The following IER2 variants were observed in gnomAD, a reference collection of about 807,000 sequenced individuals.
IER2 encodes immediate early response 2.
For missense variants in IER2, 372 were observed against 325.4 expected (o/e 1.14, Z -1.10); for synonymous variants, 198 against 149.6 (o/e 1.32, Z -2.36).
Position 13,150,413 on chromosome 19 carries a change from C to A in IER2, c.-383C>A, listed in dbSNP as rs765122484. ...CGGTGCACATGCCCCCGCCCCTTAG[C>A]CCTCTCGTGCCGCACCGTAGGGGGC... On this transcript the variant is annotated 5_prime_UTR_variant, in exon 1 of 2. Coordinates refer to ENST00000292433, the MANE Select transcript of IER2 (RefSeq NM_004907.3). This position sits in a 1 kb window ranked among gnomAD's most constrained non-coding sequence, Gnocchi z 4.0. 2.0e-6 allele frequency: 1 copy of A among 503,358 alleles called. No homozygotes were observed. Among genetic ancestry groups the A allele is most frequent in the Non-Finnish European group, 3.5e-6 (1 of 284,252 alleles). The allele number at this position is 503,358 out of a possible 1,614,324, so 31.2% of individuals were successfully genotyped here. A position where few individuals can be genotyped will look rare whatever the true frequency, so the allele number is the denominator to read the frequency against.
intron 1 of IER2, 148 bp from the exon 2 acceptor site, chr19:13,152,796 C>G (rs1224116016): frequency 6.3e-6 from 1 of 157,902 alleles, no homozygotes; most frequent in Non-Finnish European, 1.4e-5. Context: ...CCCGGCCCCC[C>G]TCCCTTGGGC....
chr19:13,153,244 CA>C lies in IER2; in HGVS notation c.59del (p.His20ProfsTer108), dbSNP rs1351674489. On this transcript the variant is annotated frameshift_variant, in exon 2 of 2. Transcript: ENST00000292433. LOFTEE classifies it low-confidence loss of function (END_TRUNC). ...IMTLSVWKMYHSRMQRGGLRL... is the reference protein window; with the variant it reads ...IMTLSVWKMYXSRMQRGGLRL... ...GACCCTGTCGGTGTGGAAGATGTAT[CA>C]CTCCCGCATGCAGCGCGGTGGCCTG... The C allele has an allele frequency of 6.4e-7, 1 of 1,563,728 alleles. No homozygotes were observed. Among genetic ancestry groups the C allele is most frequent in the Non-Finnish European group, 8.7e-7 (1 of 1,154,800 alleles).
At position 13,153,776 on chromosome 19, in the gene IER2, CGCCCGCGTGCGAGGCAAA is replaced by C. The variant is rs778807269; in HGVS notation, c.597_614del (p.Glu201_Cys206del). On this transcript the variant is annotated inframe_deletion, in exon 2 of 2. Transcript: ENST00000292433. ...AGCCCCGCGGCCCCTCCGACGGCGC[CGCCCGCGTGCGAGGCAAA>C]GCCCGCTTGCCGCCCGGCGGACAGC... The C allele has an allele frequency of 6.5e-7, 1 of 1,549,648 alleles. No homozygotes were observed. Among genetic ancestry groups the C allele is most frequent in the Non-Finnish European group, 8.7e-7 (1 of 1,154,200 alleles).
intron 1 of IER2, among the ~76,000 whole-genome samples, chr19:13,151,714 A>T (rs1033536738): frequency 1.1e-4 from 17 of 152,066 alleles, no homozygotes; most frequent in African/African-American, 4.1e-4. Context: ...AATGCGAGTC[A>T]GGAAGCCTGG....
chr19:13,153,995 G>A lies in IER2; in HGVS notation c.*137G>A. ...ACCGTGGAGAGAAGCCGCCGCCCGG[G>A]CTGCTGAGAGGCCCGGAGAGGGACT... is the stretch of plus-strand genomic sequence containing the variant. On this transcript the variant is annotated 3_prime_UTR_variant, in exon 2 of 2. Transcript: ENST00000292433. 1.4e-6 allele frequency: 1 copy of A among 714,544 alleles called. No individual in the cohort carries two copies. The highest frequency in any genetic ancestry group is 2.2e-6 in the Non-Finnish European group (1 of 462,858). 44.3% of individuals were successfully genotyped at this position (714,544 alleles called of 1,614,324 possible). A position where few individuals can be genotyped will look rare whatever the true frequency, so the allele number is the denominator to read the frequency against.
chr19:13,154,246 TCATTTTGTACTGTGGGCTGTGCTGGCC>T lies in IER2; in HGVS notation c.*390_*416del. On this transcript the variant is annotated 3_prime_UTR_variant, in exon 2 of 2. Coordinates refer to ENST00000292433, the MANE Select transcript of IER2 (RefSeq NM_004907.3). ...TTAAAGATCTCCTCAGGGTCGGACT[TCATTTTGTACTGTGGGCTGTGCTGGCC>T]CTTTCAAGGTTTTTCAAGAGTTGGT... is the stretch of plus-strand genomic sequence containing the variant. 4.6e-6 allele frequency: 1 copy of T among 215,238 alleles called. No homozygotes were observed. The highest frequency in any genetic ancestry group is 1.0e-5 in the Non-Finnish European group (1 of 100,478). 13.3% of individuals were successfully genotyped at this position (215,238 alleles called of 1,614,324 possible).
At position 13,153,936 on chromosome 19, in the gene IER2, AC is replaced by A. The variant is rs1176769739; in HGVS notation, c.*84del. On this transcript the variant is annotated 3_prime_UTR_variant, in exon 2 of 2. Coordinates refer to ENST00000292433, the MANE Select transcript of IER2 (RefSeq NM_004907.3). ...GAGGGCGCAGACCTGAGGCGAGGCC[AC>A]CCCCCTCCATCCTGGGGGAAGCGCC... 6 of 1,255,948 alleles carry A rather than the reference AC, an allele frequency of 4.8e-6. No homozygotes were observed. The highest frequency in any genetic ancestry group is 3.6e-5 in the South Asian group (2 of 55,610). 77.8% of individuals were successfully genotyped at this position (1,255,948 alleles called of 1,614,324 possible).
chr19:13,154,029 G>T lies in IER2; in HGVS notation c.*171G>T. On this transcript the variant is annotated 3_prime_UTR_variant, in exon 2 of 2. Transcript: ENST00000292433. ...AGGCCCGGAGAGGGACTCTGTCCCC[G>T]GGGAGCCATCGCCTTCAGTGTGCAG... The T allele has an allele frequency of 1.7e-6, 1 of 597,470 alleles. No homozygotes were observed. Among genetic ancestry groups the T allele is most frequent in the Non-Finnish European group, 2.8e-6 (1 of 358,708 alleles). The allele number at this position is 597,470 out of a possible 1,614,324, so 37.0% of individuals were successfully genotyped here. A position where few individuals can be genotyped will look rare whatever the true frequency, so the allele number is the denominator to read the frequency against.
At position 13,151,809 on chromosome 19, in the gene IER2, C is replaced by CCG. The variant is rs1014808684; in HGVS notation, c.-243-1134_-243-1133insGC. ...AAGCCCCGCCCCTCCGCGCCCCCCCCCCGGAAGCCCCGCCGCCGGCCGCTA... is the reference window on the plus strand; with the variant it reads ...AAGCCCCGCCCCTCCGCGCCCCCCCCCGCCGGAAGCCCCGCCGCCGGCCGCTA... On this transcript the variant is annotated intron_variant, in intron 1 of 1. Coordinates refer to ENST00000292433, the MANE Select transcript of IER2 (RefSeq NM_004907.3). Among the ~76,000 whole-genome samples the CCG allele has an allele frequency of 2.8e-3, 428 of 151,950 alleles. 7 individuals are homozygous for CCG. Among genetic ancestry groups the CCG allele is most frequent in the Non-Finnish European group, 4.0e-3 (272 of 67,808 alleles).
rs1258118605 is a variant in IER2, at chr19:13,150,680, G to A, written c.-244+128G>A. ...ACCTGGGAGATCGTCCCATCCCAGG[G>A]TCCCGAGTGTCAGGTTTGGCTAGGG... On this transcript the variant is annotated intron_variant, in intron 1 of 1. Coordinates refer to ENST00000292433, the MANE Select transcript of IER2 (RefSeq NM_004907.3). The surrounding 1 kb of genome is among the most constrained non-coding windows in gnomAD (Gnocchi z 4.0). 1.3e-5 allele frequency: 2 copies of A among 156,874 alleles called. No individual in the cohort carries two copies. Among genetic ancestry groups the A allele is most frequent in the Non-Finnish European group, 2.8e-5 (2 of 70,678 alleles). The allele number at this position is 156,874 out of a possible 1,614,324, so 9.7% of individuals were successfully genotyped here.
chr19:13,153,592 GTCC>G lies in IER2; in HGVS notation c.407_409del (p.Val136_Pro137delinsAla). 1.2e-6 allele frequency: 2 copies of G among 1,607,228 alleles called. No homozygotes were observed. Among genetic ancestry groups the G allele is most frequent in the Non-Finnish European group, 1.7e-6 (2 of 1,177,176 alleles). On this transcript the variant is annotated inframe_deletion, in exon 2 of 2. Transcript: ENST00000292433. ...GAGCGACGGCGGGGACGCTGGACTG[GTCC>G]CGAGCAAGAAAGCCCGTCTGGAAGA...
At position 13,153,690 on chromosome 19, in the gene IER2, G is replaced by A. The variant is rs1417588882; in HGVS notation, c.504G>A (p.Glu168=). 4 of 1,611,816 alleles carry A rather than the reference G, an allele frequency of 2.5e-6. No individual in the cohort carries two copies. Among genetic ancestry groups the A allele is most frequent in the Non-Finnish European group, 3.4e-6 (4 of 1,179,754 alleles). ...DRLQPPPAQA[E]GAFPNLARVL... Reference sequence around the variant, plus strand: ...TGCAGCCCCCTCCGGCGCAAGCGGAGGGCGCCTTTCCCAACCTGGCCCGCG... The same window carrying A: ...TGCAGCCCCCTCCGGCGCAAGCGGAAGGCGCCTTTCCCAACCTGGCCCGCG... Residue 168 remains glutamate (E), a synonymous_variant, in exon 2 of 2, where the codon GAG becomes GAA. Coordinates refer to ENST00000292433, the MANE Select transcript of IER2 (RefSeq NM_004907.3).
rs2020107397 is a variant in IER2 at position 13,154,605 on chromosome 19, C to T, written c.*747C>T. ...TTTTTCTCATCTGCATTAGAGGTGC[C>T]CAGTAGGTTCCCAGGTTCCAGCGTG... On this transcript the variant is annotated 3_prime_UTR_variant, in exon 2 of 2. Transcript: ENST00000292433. The T allele has an allele frequency of 6.0e-6, 1 of 167,188 alleles. No homozygotes were observed. Among genetic ancestry groups the T allele is most frequent in the Non-Finnish European group, 1.5e-5 (1 of 68,206 alleles). 10.4% of individuals were successfully genotyped at this position (167,188 alleles called of 1,614,324 possible). A position where few individuals can be genotyped will look rare whatever the true frequency, so the allele number is the denominator to read the frequency against.
Position 13,153,444 on chromosome 19 carries a change from C to T in IER2, c.258C>T (p.Pro86=). 6.3e-7 allele frequency: 1 copy of T among 1,595,018 alleles called. No individual in the cohort carries two copies. The change falls in exon 2 of 2, where the codon CCC becomes CCT. Residue 86 remains proline, a synonymous_variant. Transcript: ENST00000292433. The stretch of plus-strand genomic sequence containing the variant: ...AGTCCACGGCCGAGACAGCGACCCC[C>T]GACGGTGAGCACCCGTTTCCGGAGC... ...EAESTAETAT[P]DGEHPFPEPM... is the part of the protein sequence containing the mutation.
intron 1 of IER2, among the ~76,000 whole-genome samples, chr19:13,151,310 A>T (rs2020054330): frequency 6.6e-6 from 1 of 150,738 alleles, no homozygotes; most frequent in African/African-American, 2.4e-5. Context: ...CGTCTTCGGC[A>T]GGTCGTCGCA....
intron 1 of IER2, among the ~76,000 whole-genome samples, chr19:13,151,496 A>C (rs1267890486): frequency 1.3e-5 from 2 of 148,700 alleles, no homozygotes; most frequent in Admixed American, 1.3e-4. Flanking sequence ...TATGGGGGAA[A>C]TAATTGGGAA....
intron 1 of IER2, 61 bp from the exon 2 acceptor site, chr19:13,152,883 C>T (rs1416639176): frequency 4.6e-6 from 1 of 217,662 alleles, no homozygotes; most frequent in East Asian, 9.1e-5. Context: ...GGGGACGCTC[C>T]TCCTCGCCAG....
chr19:13,150,759 G>A lies in IER2; in HGVS notation c.-244+207G>A, dbSNP rs867228701. Reference sequence around the variant, plus strand: ...CCTGCGGGGGCGCGGTGAGGAGCGGGCCTGCTCCTCCGGGGAGTTCTGCCG... The same window carrying A: ...CCTGCGGGGGCGCGGTGAGGAGCGGACCTGCTCCTCCGGGGAGTTCTGCCG... On this transcript the variant is annotated intron_variant, in intron 1 of 1. Coordinates refer to ENST00000292433, the MANE Select transcript of IER2 (RefSeq NM_004907.3). The surrounding 1 kb of genome is among the most constrained non-coding windows in gnomAD (Gnocchi z 4.0). Among the ~76,000 whole-genome samples the A allele has an allele frequency of 6.6e-6, 1 of 152,214 alleles. No homozygotes were observed. Among genetic ancestry groups the A allele is most frequent in the Non-Finnish European group, 1.5e-5 (1 of 68,028 alleles).
chr19:13,151,426 C>T (rs996064391), intron 1 of IER2, among the ~76,000 whole-genome samples: 1 of 150,166 alleles, frequency 6.7e-6, no homozygotes, highest in African/African-American at 2.5e-5. Flanking sequence ...GGAGGGTGTC[C>T]CAAGGCCTGA....
Sources: gnomAD v4.1 joint callset for allele counts (sites outside exome capture counted in the v4.1 genomes callset) on GRCh38, gnomAD v4.1.1 for gene constraint, Gnocchi (gnomAD v3.1) non-coding constraint, MANE v1.5 for transcripts, NCBI Gene and HGNC (gene_info 2026-07-23, HGNC 2026-07-21) for gene names.